The following DOCK8 variants were observed in gnomAD, a reference collection of about 807,000 sequenced individuals.
The protein encoded by DOCK8 is dedicator of cytokinesis protein 8.
DOCK8 carries 141 observed loss-of-function variants against 245.6 expected under a neutral mutation model. The observed-to-expected ratio is 0.57, with a 90% CI of 0.50 to 0.66. The LOEUF (loss-of-function observed/expected upper bound fraction) is 0.66. Among genes scored for constraint, DOCK8 ranks in the 30% least tolerant of loss-of-function variants. DOCK8 has a pLI of 0.00. For missense variants in DOCK8, 2,965 were observed against 2,603.4 expected (o/e 1.14, Z -3.02); for synonymous variants, 1,168 against 970.2 (o/e 1.20, Z -3.79).
chr9:394,049 A>G (rs112019330), intron 24 of DOCK8, among the ~76,000 whole-genome samples: 143 of 152,260 alleles, frequency 9.4e-4, no homozygotes, highest in African/African-American at 3.2e-3. Context: ...GGCCTTAGAA[A>G]AATGTTGCCA....
intron 29 of DOCK8, 44 bp from the exon 30 acceptor site, chr9:418,024 A>G (rs950723913): frequency 6.2e-7 from 1 of 1,613,722 alleles, no homozygotes; most frequent in Non-Finnish European, 8.5e-7. Flanking sequence ...ACATGGGGAA[A>G]TGTCATGTTT....
chr9:434,680 A>C (rs2056834728), intron 38 of DOCK8, 103 bp from the exon 39 acceptor site: 8 of 1,221,344 alleles, frequency 6.6e-6, no homozygotes, highest in Non-Finnish European at 9.4e-6. Context: ...GGAGGGGTAC[A>C]GGGAACTCTT....
At chr9:245,800 T>C (rs1273091520) in intron 1 of DOCK8, among the ~76,000 whole-genome samples, 1 of 152,232 alleles carries the variant, frequency 6.6e-6, no homozygotes, top group African/African-American at 2.4e-5. Flanking sequence ...AGAATAGAGA[T>C]GCAAACCAAG....
chr9:425,567 AGGTTAAAAT>A (rs1287561445), intron 33 of DOCK8, among the ~76,000 whole-genome samples: 1 of 147,292 alleles, frequency 6.8e-6, no homozygotes. Flanking sequence ...AAGGATGATG[AGGTTAAAAT>A]GGTAAATTTG....
intron 27 of DOCK8, among the ~76,000 whole-genome samples, chr9:405,398 A>G (rs1564023777): frequency 6.6e-6 from 1 of 152,216 alleles, no homozygotes; most frequent in Non-Finnish European, 1.5e-5. Flanking sequence ...TATTATGCAA[A>G]TAGAGGATTC....
intron 44 of DOCK8, among the ~76,000 whole-genome samples, 180 bp downstream of exon 44, chr9:446,786 A>G (rs1249343925): frequency 6.6e-6 from 1 of 152,180 alleles, no homozygotes; most frequent in Non-Finnish European, 1.5e-5. Flanking sequence ...AGGCAGCTAC[A>G]TATTTTATAG....
chr9:392,486 G>A (rs1160174822), intron 24 of DOCK8, among the ~76,000 whole-genome samples: 1 of 152,156 alleles, frequency 6.6e-6, no homozygotes, highest in East Asian at 1.9e-4. Context: ...ATAAAGCAGA[G>A]ATTCTTTCTC....
Position 463,675 on chromosome 9 carries a change from A to G in DOCK8, c.6227A>G (p.Glu2076Gly). The change falls in exon 47 of 48, where the codon GAG (glutamate) becomes GGG (glycine). Residue 2076 changes from glutamate to glycine, a missense_variant. Coordinates refer to ENST00000432829, the MANE Select transcript of DOCK8 (RefSeq NM_203447.4). ...PELYKPIFRVESQKRDSFHRS... is the reference protein window; with the variant it reads ...PELYKPIFRVGSQKRDSFHRS... ...CTGTACAAGCCAATATTCAGAGTTG[A>G]GAGTCAAAAGAGGTAAGAACAGGGC... 6.2e-7 allele frequency: 1 copy of G among 1,613,842 alleles called. No individual in the cohort carries two copies. Among genetic ancestry groups the G allele is most frequent in the Non-Finnish European group, 8.5e-7 (1 of 1,180,026 alleles).
chr9:376,072 A>T lies in DOCK8; in HGVS notation c.2110-138A>T. 2.8e-6 allele frequency: 2 copies of T among 722,250 alleles called. 1 individual carries two copies. Among genetic ancestry groups the T allele is most frequent in the Non-Finnish European group, 5.0e-6 (2 of 401,286 alleles). The allele number at this position is 722,250 out of a possible 1,614,324, so 44.7% of individuals were successfully genotyped here. On this transcript the variant is annotated intron_variant, in intron 18 of 47. Transcript: ENST00000432829. Reference sequence around the variant, plus strand: ...GTTGAATCCAGGGCTCCTGACTCCAAGAACAGTTAGATTAGTTTTCAAGAG... The same window carrying T: ...GTTGAATCCAGGGCTCCTGACTCCATGAACAGTTAGATTAGTTTTCAAGAG...
intron 33 of DOCK8, among the ~76,000 whole-genome samples, chr9:425,975 G>T (rs529200541): frequency 1.3e-5 from 2 of 152,158 alleles, no homozygotes; most frequent in African/African-American, 4.8e-5. Flanking sequence ...GCAAGAACAG[G>T]TAAGTGGTAA....
At position 269,552 on chromosome 9, in the gene DOCK8, C is replaced by CTT. The variant is rs57326015; in HGVS notation, c.54-2055_54-2054dup. Among the ~76,000 whole-genome samples the CTT allele has an allele frequency of 8.7e-3, 911 of 104,934 alleles. 19 individuals carry two copies. Among genetic ancestry groups the CTT allele is most frequent in the African/African-American group, 0.025 (691 of 27,542 alleles). The allele number at this position is 104,934 out of a possible 152,430, so 68.8% of individuals were successfully genotyped here. A position where few individuals can be genotyped will look rare whatever the true frequency, so the allele number is the denominator to read the frequency against. On this transcript the variant is annotated intron_variant, in intron 1 of 47. Coordinates refer to ENST00000432829, the MANE Select transcript of DOCK8 (RefSeq NM_203447.4). The stretch of plus-strand genomic sequence containing the variant: ...AGTTTTTGTGGGGAAGTGTGGTTGT[C>CTT]TTTTTTTTTTTTTTTTTTTTTGCAA...
Position 270,051 on chromosome 9 carries a change from T to G in DOCK8, c.54-1576T>G, listed in dbSNP as rs1197569900. Reference sequence around the variant, plus strand: ...TGCAAACACTTGTTATTGCCCCTCTTTCTTGTTATAGCCAGCCTAGTGGTT... The same window carrying G: ...TGCAAACACTTGTTATTGCCCCTCTGTCTTGTTATAGCCAGCCTAGTGGTT... On this transcript the variant is annotated intron_variant, in intron 1 of 47. Coordinates refer to ENST00000432829, the MANE Select transcript of DOCK8 (RefSeq NM_203447.4). Among the ~76,000 whole-genome samples the G allele has an allele frequency of 3.3e-5, 5 of 152,332 alleles. No homozygotes were observed. The East Asian group carries it at 9.6e-4, about 29-fold the overall frequency.
chr9:435,048 A>G (rs2056851877), intron 39 of DOCK8, 73 bp downstream of exon 39: 1 of 1,561,080 alleles, frequency 6.4e-7, no homozygotes, highest in African/African-American at 1.4e-5. Context: ...AGCCCCAGGG[A>G]CATTTGGCAA....
chr9:446,556 C>A lies in DOCK8; in HGVS notation c.5767C>A (p.His1923Asn). 6.2e-7 allele frequency: 1 copy of A among 1,614,242 alleles called. No individual in the cohort carries two copies. The highest frequency in any genetic ancestry group is 2.2e-5 in the East Asian group (1 of 44,886). The change falls in exon 44 of 48, where the codon CAC becomes AAC. Residue 1923 changes from histidine (H) to asparagine (N), a missense_variant. Physicochemically the swap from His to Asn is moderately conservative, Grantham distance 68. This residue lies in a region of DOCK8 where 2,825 missense variants were observed against 2,453.5 expected (regional missense o/e 1.15). Transcript: ENST00000432829. ...AAGGAACACAGTCCTGACCACTATG[C>A]ACGCCTTCCCCTACATCAAGACCAG... Reference protein sequence around the residue: ...YRRNTVLTTMHAFPYIKTRIS... With the variant: ...YRRNTVLTTMNAFPYIKTRIS...
intron 1 of DOCK8, among the ~76,000 whole-genome samples, chr9:243,348 A>G (rs562403639): frequency 1.3e-5 from 2 of 152,270 alleles, no homozygotes; most frequent in East Asian, 3.9e-4. Flanking sequence ...TCGCACTGCA[A>G]ACAGAACACG....
chr9:311,757 G>C (rs942006784), intron 5 of DOCK8, among the ~76,000 whole-genome samples, 197 bp from the exon 6 acceptor site: 3 of 152,146 alleles, frequency 2.0e-5, no homozygotes, highest in African/African-American at 7.2e-5. Context: ...GTGAGAAGAA[G>C]ACATTTAATT....
chr9:278,553 T>C (rs1311270155), intron 2 of DOCK8, among the ~76,000 whole-genome samples: 1 of 152,290 alleles, frequency 6.6e-6, no homozygotes, highest in East Asian at 1.9e-4. Flanking sequence ...TCAGGGAGTA[T>C]TGAGGGCTTT....
chr9:437,508 G>A (rs1402839709), intron 39 of DOCK8, among the ~76,000 whole-genome samples: 1 of 152,178 alleles, frequency 6.6e-6, no homozygotes, highest in Non-Finnish European at 1.5e-5. Context: ...CCCGGGTCAT[G>A]GGTCCACACC....
intron 26 of DOCK8, among the ~76,000 whole-genome samples, chr9:400,448 CCAGCATCTT>C (rs1564013937): frequency 1.7e-4 from 2 of 12,000 alleles, no homozygotes; most frequent in Admixed American, 1.3e-3. Flanking sequence ...TCCACCACCA[CCAGCATCTT>C]CACCATCACC....
Sources: allele counts gnomAD v4.1 joint callset (sites outside exome capture counted in the v4.1 genomes callset), GRCh38; gene constraint gnomAD v4.1.1; regional missense constraint gnomAD v4.1.1; transcripts MANE v1.5; gene names NCBI Gene and HGNC (gene_info 2026-07-23, HGNC 2026-07-21).